Variants in ERCC6 observed in about 807,000 individuals in gnomAD.
The protein encoded by ERCC6 is DNA excision repair protein ERCC-6.
ERCC6 carries 116 observed loss-of-function variants against 158.7 expected under a neutral mutation model. That is an observed-to-expected ratio of 0.73 (90% confidence interval 0.63 to 0.85). The LOEUF is 0.85. ERCC6 is among the 40% of genes least tolerant of loss of function. ERCC6 has a pLI of 0.00. For missense variants in ERCC6, 1,698 were observed against 1,799.4 expected (o/e 0.94, Z 1.02); for synonymous variants, 678 against 659.3 (o/e 1.03, Z -0.43).
downstream of ERCC6, among the ~76,000 whole-genome samples, chr10:49,449,464 T>C (rs11101136): frequency 2.8e-4 from 43 of 152,230 alleles, 1 homozygote; most frequent in East Asian, 6.9e-3. Flanking sequence ...CTTGTGTTTT[T>C]AATGTCATAT....
chr10:49,490,646 C>T (rs1338633210), intron 8 of ERCC6, among the ~76,000 whole-genome samples: 2 of 152,184 alleles, frequency 1.3e-5, no homozygotes, highest in Admixed American at 6.5e-5. Context: ...AGCCACCACG[C>T]CCGGACAATT....
At chr10:49,520,655 G>A (rs1052396736) in intron 5 of ERCC6, among the ~76,000 whole-genome samples, 1 of 152,130 alleles carries the variant, frequency 6.6e-6, no homozygotes, top group Admixed American at 6.5e-5. Context: ...GCCTATGATA[G>A]ACATCACTAA....
intron 5 of ERCC6, among the ~76,000 whole-genome samples, chr10:49,521,517 C>T (rs1044702542): frequency 1.3e-5 from 2 of 152,176 alleles, no homozygotes; most frequent in African/African-American, 4.8e-5. Context: ...AAATGGAAAC[C>T]GTGGTAGCAC....
At chr10:49,490,984 T>G (rs1440667932) in intron 8 of ERCC6, among the ~76,000 whole-genome samples, 2 of 152,150 alleles carry the variant, frequency 1.3e-5, no homozygotes, top group African/African-American at 4.8e-5. Context: ...ATAAGAAACA[T>G]AGACTCTATT....
chr10:49,436,929 G>A, the ERCC6 span, among the ~76,000 whole-genome samples: 9 of 152,184 alleles, frequency 5.9e-5, no homozygotes, highest in African/African-American at 2.2e-4. Flanking sequence ...TCATACCATG[G>A]TGAAACTTAA....
At position 49,524,122 on chromosome 10, in the gene ERCC6, A is replaced by T; in HGVS notation, c.1308T>A (p.Ala436=). The part of the protein sequence containing the change: ...FFPSSGEEAE[A]ASVGEGGGGG... Reference sequence around the variant, plus strand: ...CTCCTCCTCCTTCTCCTACAGAAGCAGCTTCAGCTTCTTCCCCAGAACTTG... The same window carrying T: ...CTCCTCCTCCTTCTCCTACAGAAGCTGCTTCAGCTTCTTCCCCAGAACTTG... The change falls in exon 5 of 21, where the codon GCT becomes GCA. Residue 436 remains alanine, a synonymous_variant. Coordinates refer to ENST00000355832, the MANE Select transcript of ERCC6 (RefSeq NM_000124.4). The T allele has an allele frequency of 6.2e-7, 1 of 1,614,062 alleles. No individual in the cohort carries two copies. The highest frequency in any genetic ancestry group is 8.5e-7 in the Non-Finnish European group (1 of 1,180,034).
intron 5 of ERCC6, among the ~76,000 whole-genome samples, chr10:49,510,057 T>C (rs1468403041): frequency 1.3e-5 from 2 of 151,924 alleles, no homozygotes; most frequent in Non-Finnish European, 2.9e-5. Context: ...GAGAAAACAC[T>C]CCCTGGTTTC....
At chr10:49,514,576 G>A (rs1283054181) in intron 5 of ERCC6, among the ~76,000 whole-genome samples, 1 of 151,814 alleles carries the variant, frequency 6.6e-6, no homozygotes. Flanking sequence ...TGTACACAGA[G>A]CAGTTTAAAT....
At chr10:49,481,985 G>C (rs1850988460) in intron 10 of ERCC6, among the ~76,000 whole-genome samples, 1 of 152,138 alleles carries the variant, frequency 6.6e-6, no homozygotes, top group South Asian at 2.1e-4. Flanking sequence ...CCAGAGTCCT[G>C]CTCAGACACT....
chr10:49,457,740 G>A lies in ERCC6; in HGVS notation c.*1075C>T, dbSNP rs1404626528. ...GAAAACAACACTTCAAAGATGAGATGATAAAATCATCCTGAGAAGGAAACA... is the reference window on the plus strand; with the variant it reads ...GAAAACAACACTTCAAAGATGAGATAATAAAATCATCCTGAGAAGGAAACA... On this transcript the variant is annotated 3_prime_UTR_variant, in exon 21 of 21. Transcript: ENST00000355832. The A allele has an allele frequency of 6.6e-6, 1 of 152,222 alleles. No individual in the cohort carries two copies. The highest frequency in any genetic ancestry group is 1.5e-5 in the Non-Finnish European group (1 of 68,064). 9.4% of individuals were successfully genotyped at this position (152,222 alleles called of 1,614,324 possible). A position where few individuals can be genotyped will look rare whatever the true frequency, so the allele number is the denominator to read the frequency against.
At chr10:49,476,361 GAAAT>G (rs775950707) in intron 11 of ERCC6, 51 bp from the exon 12 acceptor site, 5 of 1,262,590 alleles carry the variant, frequency 4.0e-6, no homozygotes, top group Non-Finnish European at 5.7e-6. Context: ...AAAATTAACA[GAAAT>G]AATTAAAATA....
chr10:49,531,025 A>G (rs575284244), intron 2 of ERCC6, among the ~76,000 whole-genome samples, 185 bp from the exon 3 acceptor site: 7 of 152,368 alleles, frequency 4.6e-5, no homozygotes, highest in African/African-American at 1.7e-4. Flanking sequence ...GAGGTTTAAG[A>G]TGACTGCTAG....
chr10:49,475,625 G>A lies in ERCC6; in HGVS notation c.2382+590C>T, dbSNP rs144478015. ...GAGAAGACACTAGCTAGGAACTTCT[G>A]AATTCTGGACACTAGTAGAAAGAGA... On this transcript the variant is annotated intron_variant, in intron 12 of 20. Coordinates refer to ENST00000355832, the MANE Select transcript of ERCC6 (RefSeq NM_000124.4). 3.8e-3 allele frequency: 904 copies of A among 236,060 alleles called. 8 individuals carry two copies. Among genetic ancestry groups the A allele is most frequent in the African/African-American group, 0.017 (762 of 44,616 alleles). The allele number at this position is 236,060 out of a possible 1,614,324, so 14.6% of individuals were successfully genotyped here. A position where few individuals can be genotyped will look rare whatever the true frequency, so the allele number is the denominator to read the frequency against.
At chr10:49,477,638 C>A (rs980921444) in intron 11 of ERCC6, among the ~76,000 whole-genome samples, 1 of 152,144 alleles carries the variant, frequency 6.6e-6, no homozygotes, top group Admixed American at 6.5e-5. Flanking sequence ...TCTGTGCCAG[C>A]CTCCCCAGTC....
intron 16 of ERCC6, among the ~76,000 whole-genome samples, chr10:49,471,521 C>A (rs1850781239): frequency 6.6e-6 from 1 of 152,096 alleles, no homozygotes. Context: ...CTGGGCTTTG[C>A]AATGTCTCCA....
At chr10:49,490,169 T>G (rs1010420606) in intron 8 of ERCC6, among the ~76,000 whole-genome samples, 1 of 152,184 alleles carries the variant, frequency 6.6e-6, no homozygotes, top group African/African-American at 2.4e-5. Flanking sequence ...TATATTTTTT[T>G]GCATGGCTGC....
intron 6 of ERCC6, chr10:49,505,542 C>A: frequency 4.9e-6 from 1 of 203,546 alleles, no homozygotes; most frequent in Non-Finnish European, 9.9e-6. Context: ...TCCTATTAAT[C>A]TTATTTAAGA....
intron 5 of ERCC6, 66 bp from the exon 6 acceptor site, chr10:49,506,078 C>A: frequency 6.3e-7 from 1 of 1,590,636 alleles, no homozygotes; most frequent in Non-Finnish European, 8.6e-7. Context: ...AAAGATAGCT[C>A]CTGATAATGT....
intron 6 of ERCC6, chr10:49,501,156 T>G (rs1851349111): frequency 5.1e-6 from 1 of 195,144 alleles, no homozygotes; most frequent in Admixed American, 5.4e-5. Flanking sequence ...CACCACAACC[T>G]ATAGCTTATA....
Sources: allele counts gnomAD v4.1 joint callset (sites outside exome capture counted in the v4.1 genomes callset), GRCh38; gene constraint gnomAD v4.1.1; transcripts MANE v1.5; gene names NCBI Gene and HGNC (gene_info 2026-07-23, HGNC 2026-07-21).